Variants in AKT3 observed in about 807,000 individuals in gnomAD.
AKT3 encodes the protein AKT serine/threonine kinase 3, also known as RAC-gamma serine/threonine-protein kinase.
Under a neutral mutation model 65.3 loss-of-function variants are expected in AKT3, and 15 were observed. That is an observed-to-expected ratio of 0.23 (90% CI 0.15 to 0.35). The LOEUF (loss-of-function observed/expected upper bound fraction) is 0.35. Among genes scored for constraint, AKT3 ranks in the 10% least tolerant of loss-of-function variants. The pLI is 1.00. For synonymous variants in AKT3, 206 were observed against 183.8 expected, an observed-to-expected ratio of 1.12 and a Z score of -0.98; for missense variants, 243 against 576.5, an observed-to-expected ratio of 0.42 and a Z score of 5.92.
chr1:243,840,279 G>T (rs544842121), intron 2 of AKT3, among the ~76,000 whole-genome samples: 1 of 152,078 alleles, frequency 6.6e-6, no homozygotes, highest in Non-Finnish European at 1.5e-5. Context: ...CAAAGAGAGC[G>T]TAAGAAATCC....
chr1:243,752,860 G>GA (rs1411289386), intron 2 of AKT3, among the ~76,000 whole-genome samples: 14 of 152,200 alleles, frequency 9.2e-5, no homozygotes, highest in Non-Finnish European at 2.1e-4. Context: ...CTCTTGGGAT[G>GA]AAAGTGTGGG....
intron 2 of AKT3, among the ~76,000 whole-genome samples, chr1:243,777,281 CTA>C (rs1355555862): frequency 6.6e-6 from 1 of 152,126 alleles, no homozygotes; most frequent in East Asian, 1.9e-4. Context: ...GTTTGCATCC[CTA>C]TGAGAATCTA....
intron 2 of AKT3, among the ~76,000 whole-genome samples, chr1:243,700,133 A>G (rs913251895): frequency 1.3e-4 from 20 of 152,184 alleles, no homozygotes; most frequent in African/African-American, 4.8e-4. Context: ...AAACACTATG[A>G]CCAATGGCTT....
chr1:243,670,544 T>C (rs1161388108), intron 3 of AKT3, among the ~76,000 whole-genome samples: 4 of 152,292 alleles, frequency 2.6e-5, no homozygotes, highest in Admixed American at 2.0e-4. Context: ...CAACGCAAGG[T>C]AGGGCAATTT....
chr1:243,603,842 A>T (rs1677194457), intron 8 of AKT3, among the ~76,000 whole-genome samples: 1 of 152,170 alleles, frequency 6.6e-6, no homozygotes, highest in Non-Finnish European at 1.5e-5. Context: ...TGATTCTAAT[A>T]ACTAAATATT....
chr1:243,818,184 A>G (rs1693644191), intron 2 of AKT3: 1 of 152,240 alleles, frequency 6.6e-6, no homozygotes, highest in Admixed American at 6.5e-5. Context: ...TGCAGAAATA[A>G]TAACAGCAGC....
At chr1:243,634,863 A>G (rs1289292326) in intron 6 of AKT3, among the ~76,000 whole-genome samples, 4 of 152,012 alleles carry the variant, frequency 2.6e-5, no homozygotes, top group Admixed American at 6.6e-5. Context: ...GGAGATTTCA[A>G]TACCCTACAC....
chr1:243,593,562 C>T (rs1676384725), intron 8 of AKT3, among the ~76,000 whole-genome samples: 1 of 152,100 alleles, frequency 6.6e-6, no homozygotes, highest in African/African-American at 2.4e-5. Flanking sequence ...TGGTGGGCAC[C>T]TGTAGTCCCA....
In AKT3 at chr1:243,488,551, C is replaced by G. The variant is rs114525447; in HGVS notation, c.*7-101G>C. The G allele has an allele frequency of 1.4e-3, 310 of 214,250 alleles. 2 individuals are homozygous for G. Among genetic ancestry groups the G allele is most frequent in the Admixed American group, 3.2e-3 (61 of 19,026 alleles). The allele number at this position is 214,250 out of a possible 1,614,324, so 13.3% of individuals were successfully genotyped here. A position where few individuals can be genotyped will look rare whatever the true frequency, so the allele number is the denominator to read the frequency against. On this transcript the variant is annotated intron_variant, in intron 13 of 13. Coordinates refer to the AKT3 transcript ENST00000336199. Reference sequence around the variant, plus strand: ...TTTAGGATCTTTAAAGACATCTGGTCAGCGATGCCGGAGCTCGTGATTGAC... The same window carrying G: ...TTTAGGATCTTTAAAGACATCTGGTGAGCGATGCCGGAGCTCGTGATTGAC...
Position 243,525,257 on chromosome 1 carries a change from T to A in AKT3, c.1252-12831A>T, listed in dbSNP as rs573775310. On this transcript the variant is annotated intron_variant, in intron 12 of 13. Transcript: ENST00000673466. Reference sequence around the variant, plus strand: ...GCAGTTTGAGTTCATCCATGATGACTGGCCTAAGAAAATAAAAAATTCAGT... The same window carrying A: ...GCAGTTTGAGTTCATCCATGATGACAGGCCTAAGAAAATAAAAAATTCAGT... 2.6e-5 allele frequency among the ~76,000 whole-genome samples: 4 copies of A among 152,296 alleles called. No homozygotes were observed. In the East Asian group the frequency reaches 7.7e-4, roughly 29 times the overall value.
chr1:243,662,091 CT>C (rs1194736659), intron 4 of AKT3, among the ~76,000 whole-genome samples: 1 of 151,008 alleles, frequency 6.6e-6, no homozygotes, highest in Non-Finnish European at 1.5e-5. Context: ...AATAGGAACA[CT>C]TTTACACTGT....
At chr1:243,821,727 C>T (rs1456789891) in intron 2 of AKT3, among the ~76,000 whole-genome samples, 1 of 152,040 alleles carries the variant, frequency 6.6e-6, no homozygotes, top group African/African-American at 2.4e-5. Context: ...TCAACAAGAG[C>T]TAACCATCCT....
At chr1:243,599,333 T>G (rs1466590284) in intron 8 of AKT3, among the ~76,000 whole-genome samples, 1 of 152,196 alleles carries the variant, frequency 6.6e-6, no homozygotes, top group East Asian at 1.9e-4. Flanking sequence ...AAAACATTTT[T>G]TCTATTAAAA....
In AKT3 at chr1:243,502,661, A is replaced by G; in HGVS notation, c.*2588T>C. ...ATTATTCCTCCATGGCAGCTGACAGATCTGGAAGTGAAAATAGGGGATTCT... is the reference window on the plus strand; with the variant it reads ...ATTATTCCTCCATGGCAGCTGACAGGTCTGGAAGTGAAAATAGGGGATTCT... On this transcript the variant is annotated 3_prime_UTR_variant, in exon 14 of 14. Transcript: ENST00000673466. 1 of 233,270 alleles carries G rather than the reference A, an allele frequency of 4.3e-6. No homozygotes were observed. The highest frequency in any genetic ancestry group is 8.5e-6 in the Non-Finnish European group (1 of 118,026). 14.5% of individuals were successfully genotyped at this position (233,270 alleles called of 1,614,324 possible). A position where few individuals can be genotyped will look rare whatever the true frequency, so the allele number is the denominator to read the frequency against.
intron 6 of AKT3, among the ~76,000 whole-genome samples, chr1:243,618,364 T>C (rs1558657606): frequency 6.6e-6 from 1 of 152,308 alleles, no homozygotes; most frequent in South Asian, 2.1e-4. Context: ...TTAATGGTAC[T>C]GTATTTCACA....
chr1:243,613,113 C>CCATATATATACATATACATATATACATA (rs1280609646), intron 8 of AKT3: 4 of 134,344 alleles, frequency 3.0e-5, no homozygotes, highest in Non-Finnish European at 4.8e-5. Context: ...ATATACCCAC[C>CCATATATATACATATACATATATACATA]CATATATATA....
rs1275004571 is a variant in AKT3 at position 243,842,948 on chromosome 1, C to CA, written c.46+176dup. ...TATAAATGCTCAAAATCAAGAATTA[C>CA]AAAAAAATCCCTTAATAACAAGCAA... On this transcript the variant is annotated intron_variant, in intron 2 of 13. Coordinates refer to ENST00000673466, the MANE Select transcript of AKT3 (RefSeq NM_005465.7). Among the ~76,000 whole-genome samples the CA allele has an allele frequency of 1.3e-4, 20 of 152,104 alleles. No individual in the cohort carries two copies. In the South Asian group the frequency reaches 1.7e-3, roughly 13 times the overall value.
intron 8 of AKT3, among the ~76,000 whole-genome samples, chr1:243,591,716 G>GA (rs960646142): frequency 3.4e-5 from 5 of 149,236 alleles, no homozygotes; most frequent in African/African-American, 4.9e-5. Context: ...AGATGAAGAT[G>GA]AAAAAAAAAG....
intron 3 of AKT3, among the ~76,000 whole-genome samples, chr1:243,681,155 C>A (rs564231304): frequency 2.0e-5 from 3 of 152,158 alleles, no homozygotes; most frequent in Non-Finnish European, 4.4e-5. Flanking sequence ...AACCTAGTTT[C>A]TCCAGCTATA....
Sources: gnomAD v4.1 joint callset for allele counts (sites outside exome capture counted in the v4.1 genomes callset) on GRCh38, gnomAD v4.1.1 for gene constraint, MANE v1.5 for transcripts, NCBI Gene and HGNC (gene_info 2026-07-23, HGNC 2026-07-21) for gene names.